The following PLXNA2 variants were observed in gnomAD, a reference collection of about 807,000 sequenced individuals.
The protein encoded by PLXNA2 is plexin A2, also known as plexin-A2.
A neutral mutation model predicts 193.5 loss-of-function variants in PLXNA2; 91 were observed. The ratio of observed to expected loss-of-function variants is 0.47; its 90% confidence interval spans 0.40 to 0.56. The LOEUF (loss-of-function observed/expected upper bound fraction) is 0.56, where lower values mean the gene tolerates loss of function less well. Among genes scored for constraint, PLXNA2 ranks in the 20% least tolerant of loss-of-function variants. The probability of loss-of-function intolerance (pLI) is 0.00; values close to 1 mark genes in which losing one functional copy is unlikely to be tolerated. For missense variants in PLXNA2, 1,995 were observed against 2,503.2 expected (o/e 0.80, Z 4.33); for synonymous variants, 997 against 1,027.3 (o/e 0.97, Z 0.56).
chr1:208,228,645 C>T (rs1671589828), intron 1 of PLXNA2, among the ~76,000 whole-genome samples: 1 of 152,216 alleles, frequency 6.6e-6, no homozygotes, highest in Admixed American at 6.5e-5. Context: ...ATAGACTCAG[C>T]ACTGCTAAGC....
At chr1:208,065,625 G>T (rs1432229163) in intron 12 of PLXNA2, among the ~76,000 whole-genome samples, 1 of 152,200 alleles carries the variant, frequency 6.6e-6, no homozygotes, top group Non-Finnish European at 1.5e-5. Context: ...CTATCCGTCT[G>T]GAAGGGCAGC....
intron 12 of PLXNA2, among the ~76,000 whole-genome samples, chr1:208,066,341 TGC>T (rs1210607920): frequency 6.6e-6 from 1 of 152,222 alleles, no homozygotes; most frequent in Non-Finnish European, 1.5e-5. Context: ...ACTGCCTGTG[TGC>T]CCCTCCTCTG....
At chr1:208,095,619 G>A (rs1036140687) in intron 8 of PLXNA2, among the ~76,000 whole-genome samples, 5 of 152,074 alleles carry the variant, frequency 3.3e-5, no homozygotes, top group Admixed American at 1.3e-4. Context: ...GTGCATAGCC[G>A]AGTCGCTATC....
At chr1:208,109,101 G>A (rs1667378106) in intron 4 of PLXNA2, among the ~76,000 whole-genome samples, 1 of 152,208 alleles carries the variant, frequency 6.6e-6, no homozygotes, top group South Asian at 2.1e-4. Flanking sequence ...TGACACAAGG[G>A]AAGAAACAGA....
rs1664414929 is a variant in PLXNA2 at position 208,028,755 on chromosome 1, T to C, written c.5438+75A>G. The C allele has an allele frequency of 2.9e-6, 4 of 1,356,962 alleles. No individual in the cohort carries two copies. 84.1% of individuals were successfully genotyped at this position (1,356,962 alleles called of 1,614,324 possible). ...TGACAGACACCGTCGTCTGAGTCCT[T>C]AGTCAGTGATGACTATAGAGCGGGG... On this transcript the variant is annotated intron_variant, in intron 30 of 31. Coordinates refer to ENST00000367033, the MANE Select transcript of PLXNA2 (RefSeq NM_025179.4). The surrounding 1 kb of genome is among the most constrained non-coding windows in gnomAD (Gnocchi z 4.2).
intron 1 of PLXNA2, among the ~76,000 whole-genome samples, chr1:208,235,416 C>T (rs1432739193): frequency 1.3e-5 from 2 of 152,202 alleles, no homozygotes; most frequent in Non-Finnish European, 2.9e-5. Flanking sequence ...CAGCACTTGT[C>T]GTTTTTCCAA....
intron 3 of PLXNA2, among the ~76,000 whole-genome samples, chr1:208,186,526 A>G (rs1398390715): frequency 1.3e-5 from 2 of 152,208 alleles, no homozygotes; most frequent in Non-Finnish European, 2.9e-5. Context: ...TCTTTGCAAC[A>G]GAGAATGCCA....
chr1:208,114,157 C>T (rs75117107), intron 4 of PLXNA2, among the ~76,000 whole-genome samples: 2 of 152,320 alleles, frequency 1.3e-5, no homozygotes, highest in Non-Finnish European at 2.9e-5. Flanking sequence ...CCTGGCACTG[C>T]CTCCCAACAG....
At chr1:208,211,408 T>C (rs933830199) in intron 2 of PLXNA2, among the ~76,000 whole-genome samples, 3 of 151,868 alleles carry the variant, frequency 2.0e-5, no homozygotes, top group African/African-American at 2.4e-5. Flanking sequence ...GAAAAAAAAA[T>C]TGTGGCCGGG....
At chr1:208,127,139 TC>T (rs1240007027) in intron 4 of PLXNA2, among the ~76,000 whole-genome samples, 1 of 152,140 alleles carries the variant, frequency 6.6e-6, no homozygotes, top group African/African-American at 2.4e-5. Context: ...GCTTGCCAAT[TC>T]CAACATGGGC....
intron 6 of PLXNA2, 23 bp from the exon 7 acceptor site, chr1:208,096,906 A>T (rs1666917624): frequency 1.9e-6 from 3 of 1,604,546 alleles, no homozygotes; most frequent in Admixed American, 1.7e-5. Flanking sequence ...CAAAGAGATG[A>T]TGCCAAAGAA....
At chr1:208,223,142 C>T (rs1023648792) in intron 1 of PLXNA2, among the ~76,000 whole-genome samples, 1 of 151,412 alleles carries the variant, frequency 6.6e-6, no homozygotes, top group Non-Finnish European at 1.5e-5. Flanking sequence ...GAGAGGAGTC[C>T]GTCTTCTCCT....
intron 1 of PLXNA2, among the ~76,000 whole-genome samples, chr1:208,242,182 A>C (rs544977263): frequency 7.9e-5 from 12 of 152,278 alleles, no homozygotes; most frequent in Admixed American, 1.3e-4. Flanking sequence ...GGGCTCTGTC[A>C]ATCAGTAGAA....
intron 13 of PLXNA2, among the ~76,000 whole-genome samples, chr1:208,056,673 C>T (rs1322793201): frequency 6.6e-6 from 1 of 152,162 alleles, no homozygotes; most frequent in Non-Finnish European, 1.5e-5. Flanking sequence ...ATGGATGCCA[C>T]TCAAGTGTGC....
intron 3 of PLXNA2, among the ~76,000 whole-genome samples, chr1:208,169,817 A>G (rs1669434080): frequency 6.6e-6 from 1 of 152,132 alleles, no homozygotes; most frequent in Admixed American, 6.5e-5. Context: ...TATCTTCTAC[A>G]GTCTTGAGTT....
At chr1:208,116,710 T>C (rs1280417521) in intron 4 of PLXNA2, among the ~76,000 whole-genome samples, 1 of 152,326 alleles carries the variant, frequency 6.6e-6, no homozygotes, top group East Asian at 1.9e-4. Context: ...TTAAATATTA[T>C]TGGATGTTAA....
At chr1:208,216,506 AG>A (rs1671133703) in intron 2 of PLXNA2, among the ~76,000 whole-genome samples, 1 of 152,230 alleles carries the variant, frequency 6.6e-6, no homozygotes, top group East Asian at 1.9e-4. Context: ...GATGTGATGT[AG>A]GCACTCAATA....
At chr1:208,233,621 G>T (rs1305643379) in intron 1 of PLXNA2, among the ~76,000 whole-genome samples, 1 of 152,226 alleles carries the variant, frequency 6.6e-6, no homozygotes, top group African/African-American at 2.4e-5. Context: ...GCAAATCCAA[G>T]CTGGGGCGAC....
intron 3 of PLXNA2, among the ~76,000 whole-genome samples, chr1:208,206,201 A>G (rs1670715031): frequency 6.6e-6 from 1 of 152,298 alleles, no homozygotes; most frequent in Non-Finnish European, 1.5e-5. Flanking sequence ...TGATTCCCAC[A>G]TCGATCCAGC....
Sources: gnomAD v4.1 joint callset for allele counts (sites outside exome capture counted in the v4.1 genomes callset) on GRCh38, gnomAD v4.1.1 for gene constraint, Gnocchi (gnomAD v3.1) non-coding constraint, MANE v1.5 for transcripts, NCBI Gene and HGNC (gene_info 2026-07-23, HGNC 2026-07-21) for gene names.